The following SEMA4D variants were observed in gnomAD, a reference collection of about 807,000 sequenced individuals.
The protein encoded by SEMA4D is semaphorin 4D.
SEMA4D carries 22 observed loss-of-function variants against 74.8 expected under a neutral mutation model. The observed-to-expected ratio is 0.29, with a 90% confidence interval of 0.21 to 0.42. SEMA4D has a LOEUF of 0.42. SEMA4D is among the 10% of genes least tolerant of loss of function. SEMA4D has a pLI of 1.00. For synonymous variants in SEMA4D, 445 were observed against 463.7 expected, an observed-to-expected ratio of 0.96 and a Z score of 0.52; for missense variants, 937 against 1,118.4, an observed-to-expected ratio of 0.84 and a Z score of 2.31.
chr9:89,495,092 A>C (rs1404799053), intron 1 of SEMA4D, among the ~76,000 whole-genome samples: 3 of 152,030 alleles, frequency 2.0e-5, no homozygotes, highest in Admixed American at 6.5e-5. Flanking sequence ...CATTGCTTTC[A>C]TGGGCAGCAT....
intron 2 of SEMA4D, among the ~76,000 whole-genome samples, chr9:89,429,111 T>G (rs1249637819): frequency 6.6e-6 from 1 of 152,146 alleles, no homozygotes; most frequent in African/African-American, 2.4e-5. Context: ...CTTCCCCAAA[T>G]GCAGGTTACC....
intron 1 of SEMA4D, among the ~76,000 whole-genome samples, chr9:89,473,033 T>G (rs946317371): frequency 1.3e-5 from 2 of 151,650 alleles, no homozygotes; most frequent in African/African-American, 4.8e-5. Flanking sequence ...GAGGTTGAAG[T>G]TGCAGTAAGC....
chr9:89,405,605 T>A lies in SEMA4D; in HGVS notation c.-149A>T. ...TCGTGAACAGCGCGGTCCCTGAGAATCCACATTTCCCAGTTCTCCAGGTGA... is the reference window on the plus strand; with the variant it reads ...TCGTGAACAGCGCGGTCCCTGAGAAACCACATTTCCCAGTTCTCCAGGTGA... On this transcript the variant is annotated 5_prime_UTR_variant, in exon 3 of 16. Coordinates refer to ENST00000422704, the MANE Select transcript of SEMA4D (RefSeq NM_001371194.2). 6.9e-7 allele frequency: 1 copy of A among 1,441,464 alleles called. No individual in the cohort carries two copies. The highest frequency in any genetic ancestry group is 9.1e-7 in the Non-Finnish European group (1 of 1,100,600). The allele number at this position is 1,441,464 out of a possible 1,614,324, so 89.3% of individuals were successfully genotyped here. A position where few individuals can be genotyped will look rare whatever the true frequency, so the allele number is the denominator to read the frequency against.
At chr9:89,467,931 C>T (rs1859178993) in intron 1 of SEMA4D, among the ~76,000 whole-genome samples, 1 of 152,236 alleles carries the variant, frequency 6.6e-6, no homozygotes, top group African/African-American at 2.4e-5. Flanking sequence ...GCAGCCCTCC[C>T]AGCCCCAAGG....
At chr9:89,403,090 T>C in intron 3 of SEMA4D, 74 bp from the exon 4 acceptor site, 1 of 1,525,588 alleles carries the variant, frequency 6.6e-7, no homozygotes, top group Non-Finnish European at 9.0e-7. Flanking sequence ...CCTGAGCACA[T>C]CCTAGGTCCC....
chr9:89,407,352 C>G (rs555819966), intron 2 of SEMA4D, among the ~76,000 whole-genome samples: 27 of 152,194 alleles, frequency 1.8e-4, no homozygotes, highest in Non-Finnish European at 3.5e-4. Flanking sequence ...AATGTGATGG[C>G]TGGAGCTCTG....
chr9:89,361,806 C>T (rs1832785305), exon 19 of SEMA4D: 1 of 154,774 alleles, frequency 6.5e-6, no homozygotes, highest in African/African-American at 2.4e-5. Flanking sequence ...CAGATCGCAT[C>T]TCACAGTCAT....
chr9:89,445,597 T>C lies in SEMA4D; in HGVS notation c.-244+10291A>G, dbSNP rs77962820. Among the ~76,000 whole-genome samples, 712 of 152,088 alleles carry C rather than the reference T, an allele frequency of 4.7e-3. 24 individuals are homozygous for C. The highest frequency in any genetic ancestry group is 0.03 in the Admixed American group (454 of 15,292). On this transcript the variant is annotated intron_variant, in intron 2 of 15. Transcript: ENST00000422704. ...GGGTTCTCCAGAGAAGCAGAACCAA[T>C]AGGATGTGCACAGGGAGAGAGAGAG...
chr9:89,479,490 T>C (rs989844361), intron 1 of SEMA4D: 6 of 174,724 alleles, frequency 3.4e-5, no homozygotes, highest in Non-Finnish European at 7.0e-5. Context: ...TCCCCTATTG[T>C]GTCCGGAATT....
chr9:89,401,001 A>G (rs1217511813), intron 4 of SEMA4D, among the ~76,000 whole-genome samples: 1 of 152,228 alleles, frequency 6.6e-6, no homozygotes, highest in Non-Finnish European at 1.5e-5. Context: ...GTAAGAGCTG[A>G]GTGAGGTGAG....
At chr9:89,387,865 T>C (rs1838891426) in intron 11 of SEMA4D, among the ~76,000 whole-genome samples, 1 of 152,244 alleles carries the variant, frequency 6.6e-6, no homozygotes, top group Admixed American at 6.5e-5. Flanking sequence ...AATTTTTATC[T>C]ATTTGTAAGT....
At chr9:89,431,603 T>C (rs996644402) in intron 2 of SEMA4D, among the ~76,000 whole-genome samples, 5 of 152,164 alleles carry the variant, frequency 3.3e-5, no homozygotes, top group Non-Finnish European at 7.4e-5. Flanking sequence ...GCTCAAGTGA[T>C]CCTCCCACCT....
chr9:89,480,795 C>T (rs967940963), intron 1 of SEMA4D, among the ~76,000 whole-genome samples: 26 of 152,250 alleles, frequency 1.7e-4, no homozygotes, highest in African/African-American at 6.3e-4. Context: ...CCGCTCCTGC[C>T]TCTCCCTCCA....
intron 2 of SEMA4D, among the ~76,000 whole-genome samples, chr9:89,435,840 G>T (rs956128740): frequency 1.3e-5 from 2 of 152,214 alleles, no homozygotes; most frequent in Admixed American, 1.3e-4. Flanking sequence ...GCAAAACAGA[G>T]AAACTTCGAG....
chr9:89,476,233 T>C (rs926565157), intron 1 of SEMA4D, among the ~76,000 whole-genome samples: 3 of 152,084 alleles, frequency 2.0e-5, no homozygotes, highest in Admixed American at 1.3e-4. Flanking sequence ...CTTCATACAA[T>C]ACACCTTGAG....
At chr9:89,422,230 G>C (rs1847115305) in intron 2 of SEMA4D, among the ~76,000 whole-genome samples, 1 of 152,168 alleles carries the variant, frequency 6.6e-6, no homozygotes, top group Non-Finnish European at 1.5e-5. Flanking sequence ...ATACAGTTCT[G>C]GTCTTTCTGG....
At chr9:89,452,660 C>G (rs2135461022) in intron 2 of SEMA4D, among the ~76,000 whole-genome samples, 1 of 151,904 alleles carries the variant, frequency 6.6e-6, no homozygotes, top group East Asian at 1.9e-4. Context: ...ACCAATTTGG[C>G]CACATTGGTC....
intron 1 of SEMA4D, among the ~76,000 whole-genome samples, chr9:89,487,864 T>C (rs925869239): frequency 6.6e-6 from 1 of 151,910 alleles, no homozygotes; most frequent in Non-Finnish European, 1.5e-5. Context: ...AAGATGAAAA[T>C]AGAGGGAGAT....
chr9:89,448,858 C>T (rs562922371), intron 2 of SEMA4D, among the ~76,000 whole-genome samples: 1 of 152,196 alleles, frequency 6.6e-6, no homozygotes, highest in Non-Finnish European at 1.5e-5. Context: ...ATAGCAGCCC[C>T]TCAGTGGGAC....
Sources: gnomAD v4.1 joint callset for allele counts (sites outside exome capture counted in the v4.1 genomes callset) on GRCh38, gnomAD v4.1.1 for gene constraint, MANE v1.5 for transcripts, NCBI Gene and HGNC (gene_info 2026-07-23, HGNC 2026-07-21) for gene names.